SLC35A3: variants seen among roughly 807,000 people sequenced by gnomAD.
The protein encoded by SLC35A3 is solute carrier family 35 member A3.
In SLC35A3, 26 loss-of-function variants were observed where a neutral mutation model predicts 39.0. The ratio of observed to expected loss-of-function variants is 0.67; its 90% CI spans 0.49 to 0.92. The LOEUF is 0.92. Ranked by LOEUF, SLC35A3 falls within the 40% of genes least tolerant of loss-of-function variation. The pLI is 0.00. For missense variants in SLC35A3, 299 were observed against 371.6 expected, an observed-to-expected ratio of 0.80 and a Z score of 1.61; for synonymous variants, 135 against 133.1, an observed-to-expected ratio of 1.01 and a Z score of -0.10.
At chr1:99,979,670 G>A (rs980572462) in intron 1 of SLC35A3, among the ~76,000 whole-genome samples, 6 of 151,184 alleles carry the variant, frequency 4.0e-5, no homozygotes, top group South Asian at 4.2e-4. Context: ...CCTCTATCTC[G>A]TGATCTGCCC....
intron 1 of SLC35A3, among the ~76,000 whole-genome samples, chr1:99,990,130 C>A (rs1657989850): frequency 1.3e-5 from 2 of 152,072 alleles, no homozygotes; most frequent in African/African-American, 4.8e-5. Flanking sequence ...ATCCTAAGAA[C>A]TCTTGGCCTA....
Position 100,011,469 on chromosome 1 carries a change from G to T in SLC35A3, c.570G>T (p.Gly190=), listed in dbSNP as rs1456464744. Reference sequence around the variant, plus strand: ...CATGTTTTTCAAGTGGCTTTGCTGGGGTTTACTTTGAGAAAATCTTAAAAG... The same window carrying T: ...CATGTTTTTCAAGTGGCTTTGCTGGTGTTTACTTTGAGAAAATCTTAAAAG... The part of the protein sequence containing the change: ...LTACFSSGFA[G]VYFEKILKET... Residue 190 remains glycine, a synonymous_variant, in exon 5 of 8, where the codon GGG becomes GGT. Transcript: ENST00000533028. The T allele has an allele frequency of 3.8e-6, 6 of 1,572,446 alleles. No individual in the cohort carries two copies. The highest frequency in any genetic ancestry group is 4.3e-6 in the Non-Finnish European group (5 of 1,151,748).
intron 6 of SLC35A3, among the ~76,000 whole-genome samples, chr1:100,016,519 G>A (rs1441807520): frequency 1.3e-5 from 2 of 150,564 alleles, no homozygotes; most frequent in African/African-American, 4.9e-5. Context: ...GACTACAGGC[G>A]CCCGCCACCA....
chr1:100,001,295 T>C (rs1658780406), intron 3 of SLC35A3, among the ~76,000 whole-genome samples: 1 of 152,118 alleles, frequency 6.6e-6, no homozygotes, highest in South Asian at 2.1e-4. Context: ...AGATCGCTTT[T>C]GGTAATATGG....
At chr1:99,987,162 T>G (rs892514006) in intron 1 of SLC35A3, among the ~76,000 whole-genome samples, 68 of 152,364 alleles carry the variant, frequency 4.5e-4, no homozygotes, top group African/African-American at 1.6e-3. Flanking sequence ...GTGTCTCCAG[T>G]TACTAGTAGT....
intron 4 of SLC35A3, among the ~76,000 whole-genome samples, chr1:100,009,739 A>G (rs1021195972): frequency 6.6e-6 from 1 of 151,924 alleles, no homozygotes; most frequent in African/African-American, 2.4e-5. Context: ...ACCAATAAAT[A>G]TCATAGAGAA....
chr1:100,006,801 A>G (rs1188462102), intron 3 of SLC35A3, among the ~76,000 whole-genome samples: 1 of 152,158 alleles, frequency 6.6e-6, no homozygotes, highest in Admixed American at 6.5e-5. Flanking sequence ...AACCTAATTT[A>G]TAATAAGAAG....
chr1:100,030,074 G>A lies in SLC35A3; in HGVS notation c.*7598G>A, dbSNP rs977015292. 3.3e-5 allele frequency: 5 copies of A among 152,152 alleles called. No homozygotes were observed. Among genetic ancestry groups the A allele is most frequent in the Admixed American group, 2.6e-4 (4 of 15,276 alleles). 9.4% of individuals were successfully genotyped at this position (152,152 alleles called of 1,614,324 possible). ...GAAGAGCTAAAACCTGATACCAGTT[G>A]TTATTTTGGCTCACAGTAGGGCTTC... On this transcript the variant is annotated 3_prime_UTR_variant, in exon 8 of 8. Coordinates refer to ENST00000533028, the MANE Select transcript of SLC35A3 (RefSeq NM_012243.3).
Position 100,022,711 on chromosome 1 carries a change from A to G in SLC35A3, c.*235A>G, listed in dbSNP as rs943551675. On this transcript the variant is annotated 3_prime_UTR_variant, in exon 8 of 8. Transcript: ENST00000533028. ...AGGATTAGAAGGAATATTAGAGGAAACTTGAAATCTGAGTTTAAAAAGATT... is the reference window on the plus strand; with the variant it reads ...AGGATTAGAAGGAATATTAGAGGAAGCTTGAAATCTGAGTTTAAAAAGATT... The G allele has an allele frequency of 3.2e-6, 1 of 317,000 alleles. No homozygotes were observed. Among genetic ancestry groups the G allele is most frequent in the Non-Finnish European group, 5.7e-6 (1 of 175,154 alleles). 19.6% of individuals were successfully genotyped at this position (317,000 alleles called of 1,614,324 possible). A position where few individuals can be genotyped will look rare whatever the true frequency, so the allele number is the denominator to read the frequency against.
rs562609132 is a variant in SLC35A3 at position 99,990,018 on chromosome 1, A to G, written c.-18-3519A>G. Among the ~76,000 whole-genome samples the G allele has an allele frequency of 2.0e-5, 3 of 152,236 alleles. No homozygotes were observed. The East Asian group carries it at 5.8e-4, about 29-fold the overall frequency. On this transcript the variant is annotated intron_variant, in intron 1 of 7. Coordinates refer to ENST00000533028, the MANE Select transcript of SLC35A3 (RefSeq NM_012243.3). ...ATGATCCTCCTGCCCCAGCCTCTCAAAGTGCTGGGATTACAGGTGTGAGCC... is the reference window on the plus strand; with the variant it reads ...ATGATCCTCCTGCCCCAGCCTCTCAGAGTGCTGGGATTACAGGTGTGAGCC...
chr1:100,021,070 C>G (rs1660501785), intron 7 of SLC35A3, among the ~76,000 whole-genome samples: 1 of 152,176 alleles, frequency 6.6e-6, no homozygotes, highest in Non-Finnish European at 1.5e-5. Context: ...GCTTATGTCT[C>G]TATAATAGCA....
chr1:99,982,595 A>C (rs1180087323), intron 1 of SLC35A3, among the ~76,000 whole-genome samples: 3 of 152,208 alleles, frequency 2.0e-5, no homozygotes, highest in African/African-American at 7.2e-5. Flanking sequence ...AGTATATCAC[A>C]TATATTTAAC....
At chr1:100,020,709 T>C (rs1660472584) in intron 7 of SLC35A3, among the ~76,000 whole-genome samples, 1 of 152,220 alleles carries the variant, frequency 6.6e-6, no homozygotes, top group Non-Finnish European at 1.5e-5. Flanking sequence ...CATCATTTAA[T>C]GACAGTGTGG....
At position 99,993,718 on chromosome 1, in the gene SLC35A3, T is replaced by C. The variant is rs1658225331; in HGVS notation, c.164T>C (p.Ile55Thr). 5.6e-6 allele frequency: 9 copies of C among 1,614,036 alleles called. No individual in the cohort carries two copies. Among genetic ancestry groups the C allele is most frequent in the Non-Finnish European group, 5.9e-6 (7 of 1,179,952 alleles). Reference sequence around the variant, plus strand: ...GAACTTTTGAAGATAATGGCCTGCATTTTATTGGTCTACAAAGACAGCAGT... The same window carrying C: ...GAACTTTTGAAGATAATGGCCTGCACTTTATTGGTCTACAAAGACAGCAGT... The part of the protein sequence containing the change: ...VAELLKIMAC[I>T]LLVYKDSKCS... Residue 55 changes from isoleucine (I) to threonine (T), a missense_variant, in exon 2 of 8, where the codon ATT becomes ACT. Coordinates refer to ENST00000533028, the MANE Select transcript of SLC35A3 (RefSeq NM_012243.3).
Position 100,033,513 on chromosome 1 carries a change from T to C in SLC35A3, c.*11037T>C, listed in dbSNP as rs1489403127. On this transcript the variant is annotated 3_prime_UTR_variant, in exon 8 of 8. Transcript: ENST00000533028. ...AAACAAATATGCATATTGCTGTACT[T>C]ACTGTGCCTCTTTCACAACATGGGG... The C allele has an allele frequency of 6.6e-6, 1 of 152,192 alleles. No homozygotes were observed. Among genetic ancestry groups the C allele is most frequent in the Non-Finnish European group, 1.5e-5 (1 of 68,028 alleles). The allele number at this position is 152,192 out of a possible 1,614,324, so 9.4% of individuals were successfully genotyped here. A position where few individuals can be genotyped will look rare whatever the true frequency, so the allele number is the denominator to read the frequency against.
intron 1 of SLC35A3, among the ~76,000 whole-genome samples, chr1:99,991,389 C>T (rs1658071158): frequency 6.6e-6 from 1 of 152,222 alleles, no homozygotes; most frequent in Non-Finnish European, 1.5e-5. Context: ...CGTGATCTGC[C>T]TGCCTTGGCC....
chr1:99,988,384 C>T (rs761100091), intron 1 of SLC35A3, among the ~76,000 whole-genome samples: 6 of 152,022 alleles, frequency 3.9e-5, no homozygotes, highest in Non-Finnish European at 7.4e-5. Context: ...TATAGCTGAG[C>T]ATTATTCCAT....
Position 100,022,920 on chromosome 1 carries a change from G to C in SLC35A3, c.*444G>C, listed in dbSNP as rs1660651956. The C allele has an allele frequency of 6.6e-6, 1 of 152,540 alleles. No individual in the cohort carries two copies. 9.4% of individuals were successfully genotyped at this position (152,540 alleles called of 1,614,324 possible). A position where few individuals can be genotyped will look rare whatever the true frequency, so the allele number is the denominator to read the frequency against. On this transcript the variant is annotated 3_prime_UTR_variant, in exon 8 of 8. Transcript: ENST00000533028. ...TTTGAAAATTATAATTACCTATAAAGCTGTGAAAAATAGAAGTATAATTTG... is the reference window on the plus strand; with the variant it reads ...TTTGAAAATTATAATTACCTATAAACCTGTGAAAAATAGAAGTATAATTTG...
intron 3 of SLC35A3, among the ~76,000 whole-genome samples, chr1:100,002,729 A>T (rs1347445731): frequency 6.6e-6 from 1 of 151,462 alleles, no homozygotes; most frequent in Non-Finnish European, 1.5e-5. Flanking sequence ...AAATCCTCCC[A>T]TCTCAGCCTC....
Sources: allele counts gnomAD v4.1 joint callset (sites outside exome capture counted in the v4.1 genomes callset), GRCh38; gene constraint gnomAD v4.1.1; transcripts MANE v1.5; gene names NCBI Gene and HGNC (gene_info 2026-07-23, HGNC 2026-07-21).